NDUFA5: variants seen among roughly 807,000 people sequenced by gnomAD.
NDUFA5 encodes the protein NADH:ubiquinone oxidoreductase subunit A5.
Under a neutral mutation model 19.8 loss-of-function variants are expected in NDUFA5, and 11 were observed. The observed-to-expected ratio is 0.56, with a 90% CI of 0.35 to 0.92. The LOEUF is 0.92. Ranked by LOEUF, NDUFA5 falls within the 40% of genes least tolerant of loss-of-function variation. The pLI is 0.01. For missense variants in NDUFA5, 109 were observed against 134.2 expected, an observed-to-expected ratio of 0.81 and a Z score of 0.93; for synonymous variants, 47 against 46.8, an observed-to-expected ratio of 1.00 and a Z score of -0.01.
chr7:123,598,301 A>G, the NDUFA5 span, among the ~76,000 whole-genome samples: 3 of 152,204 alleles, frequency 2.0e-5, no homozygotes, highest in Non-Finnish European at 1.5e-5. Flanking sequence ...ATGATATGAA[A>G]TAACAAGAGC....
At position 123,541,145 on chromosome 7, in the gene NDUFA5, A is replaced by G. The variant is rs1797933228; in HGVS notation, c.*974T>C. The G allele has an allele frequency of 6.6e-6, 1 of 152,218 alleles. No homozygotes were observed. The highest frequency in any genetic ancestry group is 2.4e-5 in the African/African-American group (1 of 41,452). The allele number at this position is 152,218 out of a possible 1,614,324, so 9.4% of individuals were successfully genotyped here. On this transcript the variant is annotated 3_prime_UTR_variant, in exon 5 of 5. Coordinates refer to ENST00000355749, the MANE Select transcript of NDUFA5 (RefSeq NM_005000.5). Reference sequence around the variant, plus strand: ...CCACCTACACTTATATTAGAAACGTACTGCAAACTATTTAGTGACTCCACT... The same window carrying G: ...CCACCTACACTTATATTAGAAACGTGCTGCAAACTATTTAGTGACTCCACT...
the NDUFA5 span, among the ~76,000 whole-genome samples, chr7:123,585,184 T>A: frequency 6.6e-6 from 1 of 151,856 alleles, no homozygotes; most frequent in African/African-American, 2.4e-5. Flanking sequence ...AGAATTCAAA[T>A]AATCTTGCAT....
At chr7:123,555,071 A>G (rs1422930001) in intron 2 of NDUFA5, 3 of 152,226 alleles carry the variant, frequency 2.0e-5, no homozygotes, top group Non-Finnish European at 4.4e-5. Context: ...GTTTGGTACT[A>G]TATGTGGTTT....
At chr7:123,576,502 A>T in the NDUFA5 span, among the ~76,000 whole-genome samples, 2 of 152,026 alleles carry the variant, frequency 1.3e-5, no homozygotes, top group African/African-American at 4.8e-5. Context: ...TTTCATGTTT[A>T]TTTCTCACTT....
chr7:123,590,779 C>T, the NDUFA5 span, among the ~76,000 whole-genome samples: 36 of 152,210 alleles, frequency 2.4e-4, no homozygotes, highest in African/African-American at 6.3e-4. Flanking sequence ...CTTGGCTATG[C>T]GGGCTCCTTT....
chr7:123,566,676 A>G, the NDUFA5 span, among the ~76,000 whole-genome samples: 1 of 152,360 alleles, frequency 6.6e-6, no homozygotes, highest in Admixed American at 6.5e-5. Flanking sequence ...ATACATGTGC[A>G]TGTATATATA....
upstream of NDUFA5, among the ~76,000 whole-genome samples, chr7:123,560,290 C>G (rs1237521713): frequency 4.6e-5 from 7 of 152,180 alleles, no homozygotes; most frequent in Non-Finnish European, 1.5e-5. Context: ...TTTCCACTCT[C>G]ACCACTTCTA....
the NDUFA5 span, among the ~76,000 whole-genome samples, chr7:123,590,981 G>A: frequency 6.6e-6 from 1 of 152,130 alleles, no homozygotes; most frequent in South Asian, 2.1e-4. Context: ...TTATTGAGCA[G>A]TGGTTTGTAG....
At chr7:123,588,410 CTTAG>C in the NDUFA5 span, among the ~76,000 whole-genome samples, 3 of 150,610 alleles carry the variant, frequency 2.0e-5, no homozygotes, top group East Asian at 1.9e-4. Flanking sequence ...CTCTTTTTTT[CTTAG>C]TTAGGCCAGC....
At chr7:123,585,819 A>G in the NDUFA5 span, among the ~76,000 whole-genome samples, 4 of 151,886 alleles carry the variant, frequency 2.6e-5, no homozygotes, top group South Asian at 8.3e-4. Context: ...TATAAGAGAT[A>G]TCATGCAGTA....
At chr7:123,581,433 G>T in the NDUFA5 span, among the ~76,000 whole-genome samples, 3 of 119,484 alleles carry the variant, frequency 2.5e-5, no homozygotes, top group Admixed American at 1.6e-4. Flanking sequence ...AAAAAAAAAA[G>T]GTACTCTCCA....
At position 123,541,433 on chromosome 7, in the gene NDUFA5, A is replaced by G. The variant is rs578163269; in HGVS notation, c.*686T>C. The G allele has an allele frequency of 2.0e-5, 3 of 152,370 alleles. No homozygotes were observed. In the South Asian group the frequency reaches 6.2e-4, roughly 32 times the overall value. 9.4% of individuals were successfully genotyped at this position (152,370 alleles called of 1,614,324 possible). ...CCAAGTCAATTTCTTTAACTGTACA[A>G]TGTATTCTAATTTGAAGGTTTTCAA... On this transcript the variant is annotated 3_prime_UTR_variant, in exon 5 of 5. Coordinates refer to ENST00000355749, the MANE Select transcript of NDUFA5 (RefSeq NM_005000.5).
intron 1 of NDUFA5, 72 bp from the exon 2 acceptor site, chr7:123,557,520 A>G: frequency 1.2e-6 from 2 of 1,611,990 alleles, no homozygotes; most frequent in Non-Finnish European, 1.7e-6. Context: ...AAGGAAATAC[A>G]AAACCACGAA....
At chr7:123,558,616 G>A (rs1798641866), upstream of NDUFA5, among the ~76,000 whole-genome samples, 1 of 152,138 alleles carries the variant, frequency 6.6e-6, no homozygotes, top group African/African-American at 2.4e-5. Context: ...GTCAGTAGGA[G>A]AAAAGAACAA....
At chr7:123,543,651 G>C (rs1798021542) in intron 4 of NDUFA5, among the ~76,000 whole-genome samples, 1 of 151,944 alleles carries the variant, frequency 6.6e-6, no homozygotes, top group African/African-American at 2.4e-5. Flanking sequence ...TGAAAACATG[G>C]GGAACTGCAC....
At chr7:123,579,117 G>A in the NDUFA5 span, among the ~76,000 whole-genome samples, 1 of 151,708 alleles carries the variant, frequency 6.6e-6, no homozygotes, top group Non-Finnish European at 1.5e-5. Flanking sequence ...TTATGTCCAC[G>A]TATATCATTG....
intron 4 of NDUFA5, among the ~76,000 whole-genome samples, chr7:123,544,181 T>C (rs145130925): frequency 2.5e-4 from 38 of 152,090 alleles, no homozygotes; most frequent in African/African-American, 8.7e-4. Flanking sequence ...TGTAGGGGTG[T>C]GGAACAACAA....
At chr7:123,548,652 GAAAATAAC>G (rs1798220429) in intron 3 of NDUFA5, among the ~76,000 whole-genome samples, 1 of 152,190 alleles carries the variant, frequency 6.6e-6, no homozygotes, top group Non-Finnish European at 1.5e-5. Context: ...ATCAGATTGA[GAAAATAAC>G]CAAGAGCCAG....
At chr7:123,550,193 T>C (rs1798281620) in intron 3 of NDUFA5, 2 of 255,790 alleles carry the variant, frequency 7.8e-6, no homozygotes, top group Non-Finnish European at 1.5e-5. Context: ...AAAAGATCAA[T>C]AAAGGACTAA....
Sources: allele counts gnomAD v4.1 joint callset (sites outside exome capture counted in the v4.1 genomes callset), GRCh38; gene constraint gnomAD v4.1.1; transcripts MANE v1.5; gene names NCBI Gene and HGNC (gene_info 2026-07-23, HGNC 2026-07-21).